Variants in AHCY observed in about 807,000 individuals in gnomAD.
AHCY encodes the protein adenosylhomocysteinase.
In AHCY, 24 loss-of-function variants were observed where a neutral mutation model predicts 45.4. The ratio of observed to expected loss-of-function variants is 0.53; its 90% CI spans 0.38 to 0.74. AHCY has a LOEUF of 0.74. Among genes scored for constraint, AHCY ranks in the 30% least tolerant of loss-of-function variants. The pLI is 0.00. For missense variants in AHCY, 449 were observed against 594.1 expected, an observed-to-expected ratio of 0.76 and a Z score of 2.54; for synonymous variants, 245 against 235.1, an observed-to-expected ratio of 1.04 and a Z score of -0.39.
intron 3 of AHCY, chr20:34,293,838 T>A (rs1230709121): frequency 1.9e-5 from 11 of 575,134 alleles, no homozygotes; most frequent in African/African-American, 3.7e-5. Context: ...TAGTTCCCAA[T>A]CATAAGATCT....
chr20:34,271,117 T>G, the AHCY span, among the ~76,000 whole-genome samples: 2 of 151,910 alleles, frequency 1.3e-5, no homozygotes, highest in Non-Finnish European at 2.9e-5. Flanking sequence ...AATTTTTGTA[T>G]TTTTAGTAGA....
chr20:34,280,942 C>G lies in AHCY; in HGVS notation c.*92G>C, dbSNP rs1407262895. The stretch of plus-strand genomic sequence containing the variant: ...AGAGTCGATGGGGGACACTGACAAA[C>G]CAATCACAAAGTTGGTGCCATTAGC... On this transcript the variant is annotated 3_prime_UTR_variant, in exon 10 of 10. Coordinates refer to ENST00000217426, the MANE Select transcript of AHCY (RefSeq NM_000687.4). 2.2e-5 allele frequency: 34 copies of G among 1,576,866 alleles called. No individual in the cohort carries two copies. The highest frequency in any genetic ancestry group is 2.8e-5 in the Non-Finnish European group (33 of 1,158,584).
the AHCY span, among the ~76,000 whole-genome samples, chr20:34,266,459 G>A: frequency 8.5e-5 from 13 of 152,080 alleles, no homozygotes; most frequent in African/African-American, 2.7e-4. Flanking sequence ...GATCACCTGA[G>A]GTTAAGAGTT....
Position 34,280,829 on chromosome 20 carries a change from G to T in AHCY, c.*205C>A. The T allele has an allele frequency of 4.2e-6, 3 of 710,850 alleles. No homozygotes were observed. Among genetic ancestry groups the T allele is most frequent in the Non-Finnish European group, 6.9e-6 (3 of 431,822 alleles). 44.0% of individuals were successfully genotyped at this position (710,850 alleles called of 1,614,324 possible). On this transcript the variant is annotated 3_prime_UTR_variant, in exon 10 of 10. Coordinates refer to ENST00000217426, the MANE Select transcript of AHCY (RefSeq NM_000687.4). ...GGCTGGGACCTCCATCATGACCGGG[G>T]CTTGAAGAGGGTACTCTGTTCCCGC... is the stretch of plus-strand genomic sequence containing the variant.
At chr20:34,274,038 G>A in the AHCY span, among the ~76,000 whole-genome samples, 27 of 152,160 alleles carry the variant, frequency 1.8e-4, no homozygotes, top group Non-Finnish European at 3.7e-4. Context: ...GGGGAGCCCA[G>A]CAAATAGCTT....
chr20:34,285,663 C>A (rs764197731), intron 8 of AHCY, 29 bp from the exon 9 acceptor site: 1 of 1,609,276 alleles, frequency 6.2e-7, no homozygotes, highest in East Asian at 2.2e-5. Flanking sequence ...ACAGTGAAGG[C>A]AGGCAGGGCC....
the AHCY span, among the ~76,000 whole-genome samples, chr20:34,235,507 T>C: frequency 6.6e-6 from 1 of 152,014 alleles, no homozygotes; most frequent in African/African-American, 2.4e-5. Context: ...TCACGAAGGT[T>C]CTATATGGGA....
At chr20:34,260,103 C>G in the AHCY span, among the ~76,000 whole-genome samples, 1 of 151,950 alleles carries the variant, frequency 6.6e-6, no homozygotes, top group African/African-American at 2.4e-5. Flanking sequence ...ACAGCAGAGA[C>G]CAGTGCAATG....
intron 1 of AHCY, among the ~76,000 whole-genome samples, chr20:34,309,916 A>AGAAG (rs777220643): frequency 6.6e-6 from 1 of 150,448 alleles, no homozygotes; most frequent in Non-Finnish European, 1.5e-5. Context: ...AAGGAAGGAA[A>AGAAG]GAAGGAAGGA....
downstream of AHCY, among the ~76,000 whole-genome samples, chr20:34,278,440 G>A (rs947527751): frequency 2.0e-5 from 3 of 152,172 alleles, no homozygotes; most frequent in Non-Finnish European, 2.9e-5. Context: ...AGCAGAAGGC[G>A]TTCAACCTCT....
At chr20:34,246,712 C>G in the AHCY span, among the ~76,000 whole-genome samples, 3 of 152,200 alleles carry the variant, frequency 2.0e-5, no homozygotes, top group African/African-American at 7.2e-5. Context: ...CCCACCTCAG[C>G]CTCCCAAAGT....
chr20:34,301,009 T>C (rs2036751890), intron 1 of AHCY, among the ~76,000 whole-genome samples: 1 of 152,160 alleles, frequency 6.6e-6, no homozygotes, highest in African/African-American at 2.4e-5. Context: ...ACCATATCTG[T>C]CCTCAGAACT....
At chr20:34,245,302 C>G in the AHCY span, among the ~76,000 whole-genome samples, 1 of 138,026 alleles carries the variant, frequency 7.2e-6, no homozygotes, top group Non-Finnish European at 1.5e-5. Context: ...CCATTGCACT[C>G]GAGCCTGGGC....
chr20:34,277,649 G>A (rs2035919660), downstream of AHCY, among the ~76,000 whole-genome samples: 1 of 151,630 alleles, frequency 6.6e-6, no homozygotes, highest in South Asian at 2.1e-4. Context: ...CAGCTACTCG[G>A]GAGGCTGAGG....
chr20:34,247,640 A>T, the AHCY span, among the ~76,000 whole-genome samples: 23 of 150,722 alleles, frequency 1.5e-4, no homozygotes, highest in African/African-American at 5.6e-4. Flanking sequence ...ACATGGTCTC[A>T]TTCTGTTCCC....
rs1365721800 is a variant in AHCY, at chr20:34,309,035, C to T, written c.-57+2437G>A. 2.7e-5 allele frequency among the ~76,000 whole-genome samples: 4 copies of T among 147,472 alleles called. 1 individual carries two copies. In the Admixed American group the frequency reaches 2.8e-4, roughly 10 times the overall value. The stretch of plus-strand genomic sequence containing the variant: ...GGTACAGTGGCACACTCTCAGCTCA[C>T]TGCAACCTCCGCCTCCTGAGTTCAA... On this transcript the variant is annotated intron_variant, in intron 1 of 9. Transcript: ENST00000538132.
At chr20:34,306,670 G>A (rs967788924), upstream of AHCY, among the ~76,000 whole-genome samples, 4 of 152,110 alleles carry the variant, frequency 2.6e-5, no homozygotes, top group Non-Finnish European at 5.9e-5. Context: ...CGCCCAGCCA[G>A]GTTCTTTTAA....
chr20:34,235,929 AGCGGG>A, the AHCY span, among the ~76,000 whole-genome samples: 3 of 85,234 alleles, frequency 3.5e-5, no homozygotes, highest in Non-Finnish European at 5.7e-5. Context: ...GAAGGAAGGA[AGCGGG>A]AGGGAGGGAA....
intron 9 of AHCY, among the ~76,000 whole-genome samples, chr20:34,285,042 G>C (rs1255901024): frequency 6.6e-6 from 1 of 152,102 alleles, no homozygotes; most frequent in Non-Finnish European, 1.5e-5. Flanking sequence ...TGGGTGTGTG[G>C]GTTCATGATC....
Sources: allele counts gnomAD v4.1 joint callset (sites outside exome capture counted in the v4.1 genomes callset), GRCh38; gene constraint gnomAD v4.1.1; transcripts MANE v1.5; gene names NCBI Gene and HGNC (gene_info 2026-07-23, HGNC 2026-07-21).